The following TRAPPC9 variants were observed in gnomAD, a reference collection of about 807,000 sequenced individuals.
TRAPPC9 encodes IKK2 binding protein.
A neutral mutation model predicts 124.0 loss-of-function variants in TRAPPC9; 83 were observed. The ratio of observed to expected loss-of-function variants is 0.67; its 90% confidence interval spans 0.56 to 0.80. The LOEUF (loss-of-function observed/expected upper bound fraction) is 0.80. Among genes scored for constraint, TRAPPC9 ranks in the 30% least tolerant of loss-of-function variants. The probability of loss-of-function intolerance (pLI) is 0.00; values close to 1 mark genes in which losing one functional copy is unlikely to be tolerated. For synonymous variants in TRAPPC9, 638 were observed against 617.5 expected, an observed-to-expected ratio of 1.03 and a Z score of -0.49; for missense variants, 1,302 against 1,508.3, an observed-to-expected ratio of 0.86 and a Z score of 2.27.
chr8:140,211,546 A>ACAACCCTGTCT (rs2063062328), intron 17 of TRAPPC9, among the ~76,000 whole-genome samples: 1 of 152,236 alleles, frequency 6.6e-6, no homozygotes, highest in Non-Finnish European at 1.5e-5. Flanking sequence ...GCAACAGAGC[A>ACAACCCTGTCT]CAACCCTGTC....
chr8:140,200,875 T>C (rs1252583949), intron 17 of TRAPPC9, among the ~76,000 whole-genome samples: 1 of 152,212 alleles, frequency 6.6e-6, no homozygotes, highest in East Asian at 1.9e-4. Flanking sequence ...CCTAGTAATG[T>C]ACAACACTGA....
chr8:140,205,171 A>G (rs547328420), intron 17 of TRAPPC9, among the ~76,000 whole-genome samples: 140 of 152,370 alleles, frequency 9.2e-4, no homozygotes, highest in African/African-American at 3.2e-3. Context: ...TATGCTGCCT[A>G]GAAAATTCTT....
At chr8:140,305,135 C>G (rs186034615) in intron 10 of TRAPPC9, among the ~76,000 whole-genome samples, 3 of 152,282 alleles carry the variant, frequency 2.0e-5, no homozygotes, top group East Asian at 1.9e-4. Flanking sequence ...GAGGGGGGCT[C>G]TTGTAGTCAA....
At chr8:140,217,473 T>A (rs1011436638) in intron 17 of TRAPPC9, among the ~76,000 whole-genome samples, 2 of 152,126 alleles carry the variant, frequency 1.3e-5, no homozygotes, top group Admixed American at 6.5e-5. Context: ...GATCTAAGCA[T>A]GAGGAGTAAC....
rs958102362 is a variant in TRAPPC9, at chr8:139,822,624, C to T, written c.3055+63255G>A. On this transcript the variant is annotated intron_variant, in intron 21 of 22. Coordinates refer to ENST00000438773, the MANE Select transcript of TRAPPC9 (RefSeq NM_001160372.4). The stretch of plus-strand genomic sequence containing the variant: ...CTGAGAGCCAAGAGCCGTAGGATGG[C>T]GGGGGGGGGCTGCCTTGCCTCCATG... 7.3e-5 allele frequency among the ~76,000 whole-genome samples: 11 copies of T among 151,328 alleles called. 1 individual carries two copies. In the South Asian group the frequency reaches 1.0e-3, roughly 14 times the overall value.
intron 17 of TRAPPC9, among the ~76,000 whole-genome samples, chr8:140,214,532 C>A (rs1335078977): frequency 2.0e-5 from 3 of 152,218 alleles, no homozygotes; most frequent in African/African-American, 7.2e-5. Flanking sequence ...GAATTATTTC[C>A]TAACTTGGTC....
At chr8:140,248,881 A>G (rs1446621576) in intron 16 of TRAPPC9, among the ~76,000 whole-genome samples, 1 of 152,242 alleles carries the variant, frequency 6.6e-6, no homozygotes, top group Non-Finnish European at 1.5e-5. Context: ...ACAATTTCTA[A>G]AATTCACTTA....
chr8:139,819,035 G>A (rs1586914509), intron 21 of TRAPPC9, among the ~76,000 whole-genome samples: 2 of 152,336 alleles, frequency 1.3e-5, no homozygotes, highest in Admixed American at 6.5e-5. Context: ...AGAGCAGGAG[G>A]TGAGCGGCGG....
intron 19 of TRAPPC9, among the ~76,000 whole-genome samples, chr8:139,953,507 A>C (rs1217349672): frequency 1.3e-5 from 2 of 152,210 alleles, no homozygotes; most frequent in African/African-American, 4.8e-5. Context: ...AAATGTGTAG[A>C]AGTAAACATT....
intron 9 of TRAPPC9, among the ~76,000 whole-genome samples, chr8:140,336,793 A>C (rs763455673): frequency 4.6e-5 from 7 of 152,214 alleles, no homozygotes; most frequent in Admixed American, 3.3e-4. Flanking sequence ...AAACTAATGG[A>C]AGTCATCAGT....
chr8:140,356,382 G>A (rs930427670), intron 9 of TRAPPC9, among the ~76,000 whole-genome samples: 1 of 152,168 alleles, frequency 6.6e-6, no homozygotes, highest in African/African-American at 2.4e-5. Flanking sequence ...GTCTGGAGTG[G>A]AGACAGTCGG....
At chr8:140,333,140 G>C (rs2066939551) in intron 9 of TRAPPC9, among the ~76,000 whole-genome samples, 1 of 149,226 alleles carries the variant, frequency 6.7e-6, no homozygotes, top group South Asian at 2.1e-4. Context: ...AAAAAAAAGA[G>C]AAAAAGAAAA....
In TRAPPC9 at chr8:140,063,556, G is replaced by A. The variant is rs527642194; in HGVS notation, c.2557-39477C>T. 6.6e-6 allele frequency among the ~76,000 whole-genome samples: 1 copy of A among 152,238 alleles called. No individual in the cohort carries two copies. Among genetic ancestry groups the A allele is most frequent in the Admixed American group, 6.5e-5 (1 of 15,300 alleles). ...GGAGAAATGTTTGTTGAATGGATCGGGGAACAGAACAGTGAACGGCAATAA... is the reference window on the plus strand; with the variant it reads ...GGAGAAATGTTTGTTGAATGGATCGAGGAACAGAACAGTGAACGGCAATAA... On this transcript the variant is annotated intron_variant, in intron 17 of 22. Coordinates refer to ENST00000438773, the MANE Select transcript of TRAPPC9 (RefSeq NM_001160372.4). The surrounding 1 kb of genome is among the most constrained non-coding windows in gnomAD (Gnocchi z 4.3).
chr8:139,900,996 A>T (rs1344384941), intron 20 of TRAPPC9, among the ~76,000 whole-genome samples: 1 of 112,310 alleles, frequency 8.9e-6, no homozygotes, highest in Non-Finnish European at 1.7e-5. Context: ...AAATAAATAA[A>T]TAAATAAAAT....
intron 21 of TRAPPC9, among the ~76,000 whole-genome samples, chr8:139,770,887 T>C (rs777235541): frequency 2.6e-5 from 4 of 152,242 alleles, no homozygotes; most frequent in Admixed American, 6.5e-5. Flanking sequence ...AGGCTGGCCC[T>C]GCCCGGGCCT....
At chr8:140,094,161 T>G (rs1021441723) in intron 17 of TRAPPC9, among the ~76,000 whole-genome samples, 1 of 152,162 alleles carries the variant, frequency 6.6e-6, no homozygotes, top group South Asian at 2.1e-4. Context: ...GAACTTAGAA[T>G]TGCCAAATTC....
At chr8:139,885,552 G>T (rs905198899) in intron 21 of TRAPPC9, among the ~76,000 whole-genome samples, 3 of 152,178 alleles carry the variant, frequency 2.0e-5, no homozygotes, top group Non-Finnish European at 4.4e-5. Flanking sequence ...TGCCATTTCG[G>T]AAGACGGCCC....
chr8:139,998,147 G>C (rs1359023313), intron 18 of TRAPPC9, among the ~76,000 whole-genome samples: 1 of 152,248 alleles, frequency 6.6e-6, no homozygotes, highest in African/African-American at 2.4e-5. Flanking sequence ...ACGGAGGGCA[G>C]AGAAAGTGAA....
chr8:139,829,378 C>G (rs1294867925), intron 21 of TRAPPC9, among the ~76,000 whole-genome samples: 1 of 152,242 alleles, frequency 6.6e-6, no homozygotes, highest in Non-Finnish European at 1.5e-5. Flanking sequence ...TCACAGCCTC[C>G]AAAGCAGTAG....
Sources: gnomAD v4.1 joint callset for allele counts (sites outside exome capture counted in the v4.1 genomes callset) on GRCh38, gnomAD v4.1.1 for gene constraint, Gnocchi (gnomAD v3.1) non-coding constraint, MANE v1.5 for transcripts, NCBI Gene and HGNC (gene_info 2026-07-23, HGNC 2026-07-21) for gene names.